MAGI2: variants seen among roughly 807,000 people sequenced by gnomAD.
MAGI2 encodes the protein membrane-associated guanylate kinase, WW and PDZ domain-containing protein 2.
MAGI2 carries 35 observed loss-of-function variants against 133.3 expected under a neutral mutation model. That is an observed-to-expected ratio of 0.26 (90% CI 0.20 to 0.35). The LOEUF is 0.35. Ranked by LOEUF, MAGI2 falls within the 10% of genes least tolerant of loss-of-function variation. The pLI is 1.00. For synonymous variants in MAGI2, 729 were observed against 710.6 expected (o/e 1.03, Z -0.41); for missense variants, 1,636 against 1,863.4 (o/e 0.88, Z 2.25).
intron 2 of MAGI2, among the ~76,000 whole-genome samples, chr7:78,809,733 T>G (rs1053997445): frequency 6.6e-6 from 1 of 152,152 alleles, no homozygotes; most frequent in African/African-American, 2.4e-5. Context: ...ATATTGATGG[T>G]TTTTTTAAAA....
At chr7:78,039,924 G>A (rs1810623621) in intron 21 of MAGI2, among the ~76,000 whole-genome samples, 1 of 152,214 alleles carries the variant, frequency 6.6e-6, no homozygotes, top group South Asian at 2.1e-4. Flanking sequence ...TATAGACCCA[G>A]GCGGATCTCT....
intron 2 of MAGI2, among the ~76,000 whole-genome samples, chr7:78,921,194 A>C (rs1192071990): frequency 2.6e-5 from 4 of 152,096 alleles, no homozygotes; most frequent in African/African-American, 9.7e-5. Flanking sequence ...GGATCACTGG[A>C]AAGAGGCTAA....
At chr7:78,801,910 A>G (rs974347830) in intron 2 of MAGI2, among the ~76,000 whole-genome samples, 4 of 152,176 alleles carry the variant, frequency 2.6e-5, no homozygotes, top group Non-Finnish European at 4.4e-5. Flanking sequence ...ATGGTCATCT[A>G]ACATACACCA....
At chr7:78,816,158 C>T (rs1361715786) in intron 2 of MAGI2, among the ~76,000 whole-genome samples, 1 of 152,168 alleles carries the variant, frequency 6.6e-6, no homozygotes, top group Non-Finnish European at 1.5e-5. Context: ...ATTCCACCAG[C>T]TACATTTGCT....
intron 4 of MAGI2, among the ~76,000 whole-genome samples, chr7:78,514,263 A>G (rs1795853821): frequency 6.6e-6 from 1 of 150,684 alleles, no homozygotes; most frequent in Non-Finnish European, 1.5e-5. Flanking sequence ...TAATAGTAAT[A>G]TAATTACCAT....
intron 2 of MAGI2, among the ~76,000 whole-genome samples, chr7:78,709,150 C>T (rs1010473682): frequency 1.3e-5 from 2 of 152,092 alleles, no homozygotes; most frequent in African/African-American, 4.8e-5. Flanking sequence ...TGCCTCACTG[C>T]TTTCAAAATA....
intron 1 of MAGI2, among the ~76,000 whole-genome samples, chr7:79,106,171 G>A (rs1290904322): frequency 6.6e-6 from 1 of 152,112 alleles, no homozygotes; most frequent in East Asian, 1.9e-4. Context: ...AATCTCAAAT[G>A]TATTATGCCA....
chr7:79,444,360 G>C (rs1297205991), intron 1 of MAGI2, among the ~76,000 whole-genome samples: 4 of 152,180 alleles, frequency 2.6e-5, no homozygotes, highest in Non-Finnish European at 5.9e-5. Flanking sequence ...ATTAGGAAAA[G>C]AGGAAGTCAA....
intron 4 of MAGI2, among the ~76,000 whole-genome samples, chr7:78,503,593 C>CCCTCCTCCTCCTCCCA: frequency 1.5e-5 from 1 of 66,716 alleles, no homozygotes; most frequent in Non-Finnish European, 3.3e-5. Context: ...CTCCTCCTCC[C>CCCTCCTCCTCCTCCCA]CCTCCTCCTT....
intron 2 of MAGI2, among the ~76,000 whole-genome samples, chr7:78,975,694 T>C (rs1309151871): frequency 6.6e-6 from 1 of 151,358 alleles, no homozygotes; most frequent in Admixed American, 6.6e-5. Context: ...ACACTGAAAG[T>C]AGGAAAATAA....
chr7:78,093,136 C>CA (rs1157039018), intron 20 of MAGI2, among the ~76,000 whole-genome samples: 3,465 of 32,328 alleles, frequency 0.11, 682 homozygotes, highest in African/African-American at 0.31. Flanking sequence ...ACTCCTTCTC[C>CA]AAAAAAAAAA....
chr7:78,732,632 T>G (rs10243919), intron 2 of MAGI2, among the ~76,000 whole-genome samples: 81,886 of 151,912 alleles, frequency 0.54, 22,332 homozygotes, highest in Non-Finnish European at 0.56. Context: ...ATGTTTATTG[T>G]AAAATTCTTC....
At chr7:78,635,221 G>A (rs1022575509) in intron 2 of MAGI2, among the ~76,000 whole-genome samples, 1 of 152,162 alleles carries the variant, frequency 6.6e-6, no homozygotes, top group African/African-American at 2.4e-5. Context: ...TTGCTACCAT[G>A]GCAACTGGGA....
chr7:78,882,240 C>G (rs139457572), intron 2 of MAGI2, among the ~76,000 whole-genome samples: 5 of 151,350 alleles, frequency 3.3e-5, no homozygotes, highest in African/African-American at 1.2e-4. Context: ...ATGAACACCT[C>G]TATGCCCACA....
chr7:79,253,433 A>G (rs1833466105), intron 1 of MAGI2, among the ~76,000 whole-genome samples: 1 of 152,130 alleles, frequency 6.6e-6, no homozygotes, highest in Non-Finnish European at 1.5e-5. Flanking sequence ...ACTTGAGCTC[A>G]GGAGTTTGAG....
At chr7:78,843,221 G>A (rs1260127026) in intron 2 of MAGI2, among the ~76,000 whole-genome samples, 1 of 151,850 alleles carries the variant, frequency 6.6e-6, no homozygotes, top group Non-Finnish European at 1.5e-5. Flanking sequence ...ACAACTACAT[G>A]TGGATGTGTT....
At chr7:79,189,312 CAA>C (rs34814587) in intron 1 of MAGI2, among the ~76,000 whole-genome samples, 41 of 74,276 alleles carry the variant, frequency 5.5e-4, no homozygotes, top group East Asian at 2.5e-3. Context: ...TTTTTATAGG[CAA>C]AAAAAAAAAA....
intron 9 of MAGI2, among the ~76,000 whole-genome samples, chr7:78,306,898 G>A (rs1355534768): frequency 6.6e-6 from 1 of 152,136 alleles, no homozygotes. Context: ...TGATCAAAGA[G>A]TTTTAAATCC....
chr7:79,248,794 TG>T (rs1455111936), intron 1 of MAGI2, among the ~76,000 whole-genome samples: 1 of 152,064 alleles, frequency 6.6e-6, no homozygotes, highest in Non-Finnish European at 1.5e-5. Flanking sequence ...AGAAGAAAAT[TG>T]AAAATTTTCT....
Sources: allele counts gnomAD v4.1 joint callset (sites outside exome capture counted in the v4.1 genomes callset), GRCh38; gene constraint gnomAD v4.1.1; transcripts MANE v1.5; gene names NCBI Gene and HGNC (gene_info 2026-07-23, HGNC 2026-07-21).